CAPS2: variants seen among roughly 807,000 people sequenced by gnomAD.
CAPS2 encodes the protein calcyphosin-2.
A neutral mutation model predicts 86.5 loss-of-function variants in CAPS2; 98 were observed. The observed-to-expected ratio is 1.13, with a 90% CI of 0.96 to 1.34. CAPS2 has a LOEUF of 1.34. CAPS2 is among the 40% of genes most tolerant of loss of function. CAPS2 has a pLI of 0.00. For missense variants in CAPS2, 729 were observed against 686.8 expected (o/e 1.06, Z -0.69); for synonymous variants, 210 against 225.1 (o/e 0.93, Z 0.60).
exon 10 of CAPS2, chr12:75,298,871 C>T (rs765504070): frequency 1.2e-6 from 2 of 1,606,090 alleles, no homozygotes; most frequent in African/African-American, 2.7e-5. Context: ...AATGGCATAC[C>T]TATTTTTCCC....
intron 1 of CAPS2, chr12:75,363,193 A>T (rs776740907): frequency 7.5e-7 from 1 of 1,339,534 alleles, no homozygotes; most frequent in Admixed American, 2.7e-5. Context: ...CCTCTGCAGT[A>T]AGCAAAAATA....
At chr12:75,289,677 C>T (rs139225720) in exon 14 of CAPS2, 151 of 1,613,320 alleles carry the variant, frequency 9.4e-5, no homozygotes, top group Non-Finnish European at 1.2e-4. Context: ...TCTGCCTTAT[C>T]TAAAAGTCCA....
chr12:75,313,334 T>C (rs941117923), intron 6 of CAPS2, among the ~76,000 whole-genome samples: 4 of 152,150 alleles, frequency 2.6e-5, no homozygotes, highest in Non-Finnish European at 4.4e-5. Flanking sequence ...ACACTATTCA[T>C]AGCAAAAGAA....
At chr12:75,338,976 C>G (rs1321425971) in intron 1 of CAPS2, among the ~76,000 whole-genome samples, 1 of 152,156 alleles carries the variant, frequency 6.6e-6, no homozygotes, top group Admixed American at 6.5e-5. Flanking sequence ...GTGTCTGTAG[C>G]ACATATTTTC....
upstream of CAPS2, chr12:75,334,453 G>T: frequency 8.0e-7 from 1 of 1,247,906 alleles, no homozygotes; most frequent in Non-Finnish European, 1.0e-6. Flanking sequence ...TTACAGATTG[G>T]ATCCACAGAA....
At chr12:75,311,593 C>T (rs188277882) in intron 7 of CAPS2, among the ~76,000 whole-genome samples, 1 of 151,482 alleles carries the variant, frequency 6.6e-6, no homozygotes, top group African/African-American at 2.4e-5. Context: ...AATAACTGAG[C>T]TGTTGGGCAC....
chr12:75,318,477 C>A (rs1283409084), intron 5 of CAPS2, among the ~76,000 whole-genome samples: 2 of 152,092 alleles, frequency 1.3e-5, no homozygotes, highest in Non-Finnish European at 2.9e-5. Flanking sequence ...CTCCCTTTAA[C>A]TCTCTTACCA....
chr12:75,310,972 G>T (rs1322655658), intron 7 of CAPS2, among the ~76,000 whole-genome samples: 1 of 152,064 alleles, frequency 6.6e-6, no homozygotes, highest in Non-Finnish European at 1.5e-5. Flanking sequence ...AAAAAGTAAG[G>T]CCCTTCCAGC....
chr12:75,312,649 A>T (rs2039349684), intron 7 of CAPS2, among the ~76,000 whole-genome samples, 199 bp downstream of exon 7: 1 of 152,226 alleles, frequency 6.6e-6, no homozygotes, highest in Admixed American at 6.5e-5. Context: ...TAACAAATAG[A>T]ACTGTTAGGT....
chr12:75,282,545 C>A (rs1364539466), intron 15 of CAPS2, among the ~76,000 whole-genome samples, 198 bp from the exon 16 acceptor site: 3 of 152,110 alleles, frequency 2.0e-5, no homozygotes, highest in Non-Finnish European at 4.4e-5. Flanking sequence ...CGCCACCACA[C>A]CTAGCTATTT....
intron 1 of CAPS2, chr12:75,360,498 T>G (rs1236120390): frequency 1.3e-5 from 2 of 152,084 alleles, no homozygotes; most frequent in Non-Finnish European, 2.9e-5. Flanking sequence ...CCTGCACAAG[T>G]CCAAAATCCA....
At chr12:75,319,678 A>G (rs2040116683) in intron 5 of CAPS2, among the ~76,000 whole-genome samples, 1 of 152,162 alleles carries the variant, frequency 6.6e-6, no homozygotes, top group African/African-American at 2.4e-5. Flanking sequence ...TGACTCATGT[A>G]TCATACTGAT....
At chr12:75,374,585 C>T (rs891365633) in intron 1 of CAPS2, among the ~76,000 whole-genome samples, 1 of 152,130 alleles carries the variant, frequency 6.6e-6, no homozygotes, top group Non-Finnish European at 1.5e-5. Context: ...CTCATTGGGT[C>T]CAATAAGCAT....
intron 15 of CAPS2, among the ~76,000 whole-genome samples, chr12:75,282,941 C>T (rs571389469): frequency 6.6e-6 from 1 of 152,212 alleles, no homozygotes. Context: ...TGGCCTCTCT[C>T]CCCTGAAAAC....
chr12:75,325,949 CA>C (rs2040739662), intron 1 of CAPS2, among the ~76,000 whole-genome samples: 1 of 151,596 alleles, frequency 6.6e-6, no homozygotes, highest in African/African-American at 2.4e-5. Context: ...ATCTTATTGC[CA>C]AAAAAACTGC....
At chr12:75,322,586 T>C (rs559724514) in intron 4 of CAPS2, among the ~76,000 whole-genome samples, 7 of 152,274 alleles carry the variant, frequency 4.6e-5, no homozygotes, top group East Asian at 1.9e-4. Context: ...CTAGATATGT[T>C]TGAAGCATAA....
intron 1 of CAPS2, among the ~76,000 whole-genome samples, chr12:75,337,303 C>G (rs960975358): frequency 6.6e-6 from 1 of 151,264 alleles, no homozygotes; most frequent in Admixed American, 6.6e-5. Context: ...TCAATAATAT[C>G]AAAAGTTGGT....
chr12:75,383,134 T>A (rs2045091974), intron 1 of CAPS2, among the ~76,000 whole-genome samples: 2 of 152,218 alleles, frequency 1.3e-5, no homozygotes, highest in Admixed American at 1.3e-4. Flanking sequence ...ATTACATGCC[T>A]CTTTAAATTT....
At chr12:75,361,601 G>A (rs746695942) in intron 1 of CAPS2, among the ~76,000 whole-genome samples, 31 of 152,198 alleles carry the variant, frequency 2.0e-4, no homozygotes, top group African/African-American at 4.8e-5. Context: ...GGTTCCACGT[G>A]ACTGGGGAGG....
Sources: allele counts gnomAD v4.1 joint callset (sites outside exome capture counted in the v4.1 genomes callset), GRCh38; gene constraint gnomAD v4.1.1; transcripts MANE v1.5; gene names NCBI Gene and HGNC (gene_info 2026-07-23, HGNC 2026-07-21).